TAS1R3: variants seen among roughly 807,000 people sequenced by gnomAD.
TAS1R3 encodes taste 1 receptor member 3.
In TAS1R3, 58 loss-of-function variants were observed where a neutral mutation model predicts 46.1. The observed-to-expected ratio is 1.26, with a 90% CI of 1.02 to 1.57. The LOEUF (loss-of-function observed/expected upper bound fraction) is 1.57, where lower values mean the gene tolerates loss of function less well. TAS1R3 is among the 40% of genes most tolerant of loss of function. TAS1R3 has a pLI of 0.00. For missense variants in TAS1R3, 1,422 were observed against 1,185.8 expected, an observed-to-expected ratio of 1.20 and a Z score of -2.93; for synonymous variants, 724 against 544.7, an observed-to-expected ratio of 1.33 and a Z score of -4.58.
chr1:1,333,106 GCA>G lies in TAS1R3; in HGVS notation c.1465_1466del (p.Thr489ValfsTer2). ...LRTERLKIRW[H>X]TSDNQKPVSR... ...GGACAGAGCGCCTGAAGATCCGCTG[GCA>G]CACGTCTGACAACCAGGTGAGGTGA... On this transcript the variant is annotated frameshift_variant, in exon 4 of 6. Coordinates refer to ENST00000339381, the MANE Select transcript of TAS1R3 (RefSeq NM_152228.3). LOFTEE classifies it high-confidence loss of function. The G allele has an allele frequency of 6.2e-7, 1 of 1,611,784 alleles. No homozygotes were observed. Among genetic ancestry groups the G allele is most frequent in the Non-Finnish European group, 8.5e-7 (1 of 1,179,548 alleles).
Position 1,331,344 on chromosome 1 carries a change from C to T in TAS1R3, c.-2C>T, listed in dbSNP as rs770992329. On this transcript the variant is annotated 5_prime_UTR_variant, in exon 1 of 6. Coordinates refer to ENST00000339381, the MANE Select transcript of TAS1R3 (RefSeq NM_152228.3). Reference sequence around the variant, plus strand: ...CCGTGCCTGTTGGAAGTTGCCTCTGCCATGCTGGGCCCTGCTGTCCTGGGC... The same window carrying T: ...CCGTGCCTGTTGGAAGTTGCCTCTGTCATGCTGGGCCCTGCTGTCCTGGGC... 24 of 1,568,054 alleles carry T rather than the reference C, an allele frequency of 1.5e-5. No individual in the cohort carries two copies. Among genetic ancestry groups the T allele is most frequent in the Non-Finnish European group, 2.0e-5 (23 of 1,158,614 alleles).
rs201743213 is a variant in TAS1R3, at chr1:1,332,913, G to A, written c.1276-8G>A. On this transcript the variant is annotated splice_region_variant and splice_polypyrimidine_tract_variant and intron_variant, in intron 3 of 5. Transcript: ENST00000339381. ...GGCTGGCGGCTCAGCCCCGTCCCCC[G>A]CCCGCAGCTCCTGGAGAACATGTAC... 2.3e-4 allele frequency: 373 copies of A among 1,600,692 alleles called. No individual in the cohort carries two copies. The highest frequency in any genetic ancestry group is 5.4e-4 in the Admixed American group (32 of 59,516).
chr1:1,331,685 TGGA>T lies in TAS1R3; in HGVS notation c.244_246del (p.Glu82del), dbSNP rs757527022. 68 of 1,612,796 alleles carry T rather than the reference TGGA, an allele frequency of 4.2e-5. No homozygotes were observed. Among genetic ancestry groups the T allele is most frequent in the African/African-American group, 1.3e-4 (10 of 74,942 alleles). On this transcript the variant is annotated inframe_deletion, in exon 2 of 6. Coordinates refer to ENST00000339381, the MANE Select transcript of TAS1R3 (RefSeq NM_152228.3). The stretch of plus-strand genomic sequence containing the variant: ...TGGGCACTGGCCATGAAAATGGCCG[TGGA>T]GGAGATCAACAACAAGTCGGATCTG...
Position 1,333,513 on chromosome 1 carries a change from C to T in TAS1R3, c.1608C>T (p.Ile536=), listed in dbSNP as rs760846154. Residue 536 remains isoleucine (I), a synonymous_variant, in exon 6 of 6, where the codon ATC becomes ATT. Transcript: ENST00000339381. The stretch of plus-strand genomic sequence containing the variant: ...CCTTCTCCTCTCTCACAGACGACAT[C>T]GCCTGCACCTTTTGTGGCCAGGATG... ...AGSYRQNPDD[I]ACTFCGQDEW... 17 of 1,602,176 alleles carry T rather than the reference C, an allele frequency of 1.1e-5. No individual in the cohort carries two copies. Among genetic ancestry groups the T allele is most frequent in the Admixed American group, 1.7e-5 (1 of 59,994 alleles).
In TAS1R3 at chr1:1,334,261, C is replaced by T. The variant is rs767295745; in HGVS notation, c.2356C>T (p.Gln786Ter). Residue 786 changes from glutamine to a stop codon, truncating the protein, a stop_gained, in exon 6 of 6, where the codon CAG becomes TAG. Transcript: ENST00000339381. LOFTEE classifies it low-confidence loss of function (END_TRUNC). ...VSFVPLLANV[Q>*]VVLRPAVQMG... ...CTTTGTGCCCCTCCTGGCCAATGTG[C>T]AGGTGGTCCTCAGGCCCGCCGTGCA... 6.2e-7 allele frequency: 1 copy of T among 1,612,074 alleles called. No individual in the cohort carries two copies. The highest frequency in any genetic ancestry group is 1.1e-5 in the South Asian group (1 of 90,888).
rs375007877 is a variant in TAS1R3, at chr1:1,334,103, C to A, written c.2198C>A (p.Ala733Glu). ...CGCTCCTGGGTCAGCTTCGGCCTAGCGCACGCCACCAATGCCACGCTGGCC... is the reference window on the plus strand; with the variant it reads ...CGCTCCTGGGTCAGCTTCGGCCTAGAGCACGCCACCAATGCCACGCTGGCC... ...RTRSWVSFGLAHATNATLAFL... is the reference protein window; with the variant it reads ...RTRSWVSFGLEHATNATLAFL... The change falls in exon 6 of 6, where the codon GCG (alanine) becomes GAG (glutamate). Residue 733 changes from alanine (A) to glutamate (E), a missense_variant. Physicochemically the swap from Ala to Glu is moderately radical, Grantham distance 107. Transcript: ENST00000339381. 1 of 1,583,648 alleles carries A rather than the reference C, an allele frequency of 6.3e-7. No individual in the cohort carries two copies.
Position 1,332,598 on chromosome 1 carries a change from A to T in TAS1R3, c.1067A>T (p.Glu356Val). 1 of 1,611,188 alleles carries T rather than the reference A, an allele frequency of 6.2e-7. No homozygotes were observed. The highest frequency in any genetic ancestry group is 8.5e-7 in the Non-Finnish European group (1 of 1,179,914). Reference protein sequence around the residue: ...TDPAFCSALGEREQGLEEDVV... With the variant: ...TDPAFCSALGVREQGLEEDVV... ...CCGGCCTTCTGCTCTGCCCTGGGCGAGAGGGAGCAGGGTCTGGAGGAGGAC... is the reference window on the plus strand; with the variant it reads ...CCGGCCTTCTGCTCTGCCCTGGGCGTGAGGGAGCAGGGTCTGGAGGAGGAC... Residue 356 changes from glutamate to valine, a missense_variant, in exon 3 of 6, where the codon GAG becomes GTG. Transcript: ENST00000339381.
chr1:1,331,604 C>G, intron 1 of TAS1R3, 34 bp from the exon 2 acceptor site: 1 of 1,605,460 alleles, frequency 6.2e-7, no homozygotes, highest in South Asian at 1.1e-5. Context: ...GAGCTGGGGC[C>G]GAGGTGGCCA....
rs762273197 is a variant in TAS1R3, at chr1:1,333,597, G to A, written c.1692G>A (p.Trp564Ter). Residue 564 changes from tryptophan to a stop codon, truncating the protein, a stop_gained, in exon 6 of 6, where the codon TGG (tryptophan) becomes TGA (stop). Coordinates refer to ENST00000339381, the MANE Select transcript of TAS1R3 (RefSeq NM_152228.3). LOFTEE classifies it low-confidence loss of function (END_TRUNC). ...GCCGCAGGTCTCGGTTCCTGGCATG[G>A]GGCGAGCCGGCTGTGCTGCTGCTGC... ...CFRRRSRFLAWGEPAVLLLLL... is the reference protein window; with the variant it reads ...CFRRRSRFLA The A allele has an allele frequency of 1.1e-5, 17 of 1,609,132 alleles. No homozygotes were observed. The highest frequency in any genetic ancestry group is 1.4e-5 in the Non-Finnish European group (16 of 1,179,932).
At position 1,332,986 on chromosome 1, in the gene TAS1R3, C is replaced by A. The variant is rs756427473; in HGVS notation, c.1341C>A (p.Ser447Arg). 5.6e-6 allele frequency: 9 copies of A among 1,612,576 alleles called. No individual in the cohort carries two copies. Among genetic ancestry groups the A allele is most frequent in the Admixed American group, 3.3e-5 (2 of 59,994 alleles). Residue 447 changes from serine to arginine, a missense_variant, in exon 4 of 6, where the codon AGC becomes AGA. Coordinates refer to ENST00000339381, the MANE Select transcript of TAS1R3 (RefSeq NM_152228.3). ...GGCTGCCGCTGCGGTTCGACAGCAG[C>A]GGAAACGTGGACATGGAGTACGACC... ...VGGLPLRFDS[S>R]GNVDMEYDLK...
At position 1,333,816 on chromosome 1, in the gene TAS1R3, G is replaced by T; in HGVS notation, c.1911G>T (p.Gln637His). 1 of 1,598,850 alleles carries T rather than the reference G, an allele frequency of 6.3e-7. No individual in the cohort carries two copies. The change falls in exon 6 of 6, where the codon CAG becomes CAT. Residue 637 changes from glutamine to histidine, a missense_variant. Physicochemically the swap from Gln to His is conservative, Grantham distance 24 (BLOSUM62 0). Transcript: ENST00000339381. Reference sequence around the variant, plus strand: ...GCCCTGCCCGATGCCTGGCCCAGCAGCCCTTGTCCCACCTCCCGCTCACGG... The same window carrying T: ...GCCCTGCCCGATGCCTGGCCCAGCATCCCTTGTCCCACCTCCCGCTCACGG... Reference protein sequence around the residue: ...QPSPARCLAQQPLSHLPLTGC... With the variant: ...QPSPARCLAQHPLSHLPLTGC...
At position 1,332,611 on chromosome 1, in the gene TAS1R3, T is replaced by C. The variant is rs767688965; in HGVS notation, c.1080T>C (p.Gly360=). The C allele has an allele frequency of 1.2e-6, 2 of 1,610,548 alleles. No homozygotes were observed. The highest frequency in any genetic ancestry group is 1.7e-6 in the Non-Finnish European group (2 of 1,179,892). The part of the protein sequence containing the change: ...FCSALGEREQ[G]LEEDVVGQRC... ...CTGCCCTGGGCGAGAGGGAGCAGGG[T>C]CTGGAGGAGGACGTGGTGGGCCAGC... Residue 360 remains glycine, a synonymous_variant, in exon 3 of 6, where the codon GGT becomes GGC. Transcript: ENST00000339381.
intron 1 of TAS1R3, 27 bp downstream of exon 1, chr1:1,331,563 G>A (rs767704712): frequency 6.3e-6 from 10 of 1,599,660 alleles, no homozygotes; most frequent in East Asian, 2.3e-5. Context: ...GCCTGGGTCG[G>A]GGTCAGGGTG....
At position 1,334,365 on chromosome 1, in the gene TAS1R3, G is replaced by A; in HGVS notation, c.2460G>A (p.Gln820=). ...CCAGGTGTTACCTGCTCATGCGGCA[G>A]CCAGGGCTCAACACCCCCGAGTTCT... The part of the protein sequence containing the change: ...HLPRCYLLMR[Q]PGLNTPEFFL... Residue 820 remains glutamine (Q), a synonymous_variant, in exon 6 of 6, where the codon CAG becomes CAA. Transcript: ENST00000339381. 1.2e-6 allele frequency: 2 copies of A among 1,611,256 alleles called. No homozygotes were observed. The highest frequency in any genetic ancestry group is 1.7e-4 in the Middle Eastern group (1 of 6,054).
chr1:1,332,004 A>G lies in TAS1R3; in HGVS notation c.493-20A>G. The G allele has an allele frequency of 6.9e-7, 1 of 1,444,220 alleles. No homozygotes were observed. The highest frequency in any genetic ancestry group is 1.1e-5 in the South Asian group (1 of 88,804). 89.5% of individuals were successfully genotyped at this position (1,444,220 alleles called of 1,614,324 possible). ...CCCGTGGGAGCCCCTGTGTCAGGAGATGCCTCTTGGCCCTTGCAGGTCAGC... is the reference window on the plus strand; with the variant it reads ...CCCGTGGGAGCCCCTGTGTCAGGAGGTGCCTCTTGGCCCTTGCAGGTCAGC... On this transcript the variant is annotated intron_variant, in intron 2 of 5. Transcript: ENST00000339381.
rs1463852835 is a variant in TAS1R3 at position 1,331,655 on chromosome 1, T to G, written c.209T>G (p.Leu70Arg). 1.9e-6 allele frequency: 3 copies of G among 1,610,860 alleles called. No individual in the cohort carries two copies. The African/African-American group carries it at 4.0e-5, about 22-fold the overall frequency. ...PVCTRFSSNG[L>R]LWALAMKMAV... ...GGCCCCAGGTTCTCCTCAAACGGCC[T>G]GCTCTGGGCACTGGCCATGAAAATG... Residue 70 changes from leucine to arginine, a missense_variant, in exon 2 of 6, where the codon CTG (leucine) becomes CGG (arginine). Coordinates refer to ENST00000339381, the MANE Select transcript of TAS1R3 (RefSeq NM_152228.3).
At position 1,332,238 on chromosome 1, in the gene TAS1R3, G is replaced by A. The variant is rs1407678605; in HGVS notation, c.707G>A (p.Cys236Tyr). ...FSALAAARGI[C>Y]IAHEGLVPLP... ...GCCCTGGCCGCGGCACGCGGCATCT[G>A]CATCGCGCACGAGGGCCTGGTGCCG... The change falls in exon 3 of 6, where the codon TGC becomes TAC. Residue 236 changes from cysteine (C) to tyrosine (Y), a missense_variant. Coordinates refer to ENST00000339381, the MANE Select transcript of TAS1R3 (RefSeq NM_152228.3). 7.5e-6 allele frequency: 12 copies of A among 1,594,544 alleles called. No homozygotes were observed. Among genetic ancestry groups the A allele is most frequent in the African/African-American group, 1.3e-5 (1 of 74,798 alleles).
Position 1,332,708 on chromosome 1 carries a change from G to A in TAS1R3, c.1177G>A (p.Val393Ile). 1 of 1,604,260 alleles carries A rather than the reference G, an allele frequency of 6.2e-7. No individual in the cohort carries two copies. Among genetic ancestry groups the A allele is most frequent in the Admixed American group, 1.7e-5 (1 of 59,938 alleles). ...GCTAAATCACCACCAGACGTTCTCTGTCTACGCAGCTGTGTATAGCGTGGC... is the reference window on the plus strand; with the variant it reads ...GCTAAATCACCACCAGACGTTCTCTATCTACGCAGCTGTGTATAGCGTGGC... ...AGLNHHQTFSVYAAVYSVAQA... is the reference protein window; with the variant it reads ...AGLNHHQTFSIYAAVYSVAQA... Residue 393 changes from valine to isoleucine, a missense_variant, in exon 3 of 6, where the codon GTC becomes ATC. Val to Ile is a conservative substitution (Grantham distance 29, BLOSUM62 3). Coordinates refer to ENST00000339381, the MANE Select transcript of TAS1R3 (RefSeq NM_152228.3).
rs769501623 is a variant in TAS1R3, at chr1:1,333,579, G to T, written c.1674G>T (p.Arg558Ser). 5.0e-6 allele frequency: 8 copies of T among 1,607,116 alleles called. No homozygotes were observed. Among genetic ancestry groups the T allele is most frequent in the Non-Finnish European group, 6.8e-6 (8 of 1,179,910 alleles). Residue 558 changes from arginine (R) to serine (S), a missense_variant, in exon 6 of 6, where the codon AGG becomes AGT. Transcript: ENST00000339381. The part of the protein sequence containing the change: ...PERSTRCFRR[R>S]SRFLAWGEPA... Reference sequence around the variant, plus strand: ...GAAGCACACGCTGCTTCCGCCGCAGGTCTCGGTTCCTGGCATGGGGCGAGC... The same window carrying T: ...GAAGCACACGCTGCTTCCGCCGCAGTTCTCGGTTCCTGGCATGGGGCGAGC...
Sources: gnomAD v4.1 joint callset for allele counts on GRCh38, gnomAD v4.1.1 for gene constraint, MANE v1.5 for transcripts, NCBI Gene and HGNC (gene_info 2026-07-23, HGNC 2026-07-21) for gene names.